Variants in DGLUCY observed in about 807,000 individuals in gnomAD.
DGLUCY encodes the protein D-glutamate cyclase, mitochondrial.
In DGLUCY, 58 loss-of-function variants were observed where a neutral mutation model predicts 58.5. The observed-to-expected ratio is 0.99, with a 90% CI of 0.80 to 1.23. The LOEUF is 1.23. Ranked by LOEUF, DGLUCY falls within the 50% of genes most tolerant of loss-of-function variation. DGLUCY has a pLI of 0.00. For missense variants in DGLUCY, 779 were observed against 784.7 expected (o/e 0.99, Z 0.09); for synonymous variants, 325 against 314.1 (o/e 1.03, Z -0.37).
At chr14:91,096,217 C>G (rs1284118483) in intron 1 of DGLUCY, among the ~76,000 whole-genome samples, 1 of 152,038 alleles carries the variant, frequency 6.6e-6, no homozygotes, top group Non-Finnish European at 1.5e-5. Context: ...AGTTCGAGAC[C>G]AACCTGGCCA....
chr14:91,215,317 T>G (rs1447116734), intron 12 of DGLUCY, 88 bp from the exon 13 acceptor site: 3 of 1,526,762 alleles, frequency 2.0e-6, no homozygotes, highest in Non-Finnish European at 2.6e-6. Context: ...CGTGGACCAG[T>G]CCTGCAGATA....
chr14:91,173,671 CA>C (rs2048700869), intron 6 of DGLUCY: 1 of 508,354 alleles, frequency 2.0e-6, no homozygotes, highest in Non-Finnish European at 3.3e-6. Flanking sequence ...CAGGGGTCTC[CA>C]GGGGCAAAGG....
intron 1 of DGLUCY, among the ~76,000 whole-genome samples, chr14:91,144,941 C>T (rs185512986): frequency 3.3e-5 from 5 of 152,132 alleles, no homozygotes; most frequent in East Asian, 3.9e-4. Flanking sequence ...GGGGAGCCTG[C>T]GGGGCCTCAG....
At chr14:91,104,351 C>T (rs992596478), upstream of DGLUCY, among the ~76,000 whole-genome samples, 5 of 151,992 alleles carry the variant, frequency 3.3e-5, no homozygotes, top group South Asian at 2.1e-4. Context: ...CGTGAGCCAC[C>T]GCGCCCGGCC....
chr14:91,123,870 A>G (rs2045532680), intron 1 of DGLUCY, among the ~76,000 whole-genome samples: 1 of 150,662 alleles, frequency 6.6e-6, no homozygotes, highest in African/African-American at 2.5e-5. Context: ...GAGCCACTGC[A>G]TCCAGCCTGT....
chr14:91,161,695 G>A (rs947743591), intron 3 of DGLUCY, among the ~76,000 whole-genome samples: 2 of 152,056 alleles, frequency 1.3e-5, no homozygotes, highest in African/African-American at 2.4e-5. Flanking sequence ...TCCCATTGGC[G>A]AAAGCAAATC....
chr14:91,069,305 T>G lies in DGLUCY; in HGVS notation c.-82+8601T>G, dbSNP rs12435511. Among the ~76,000 whole-genome samples, 751 of 152,342 alleles carry G rather than the reference T, an allele frequency of 4.9e-3. 7 individuals carry two copies. Among genetic ancestry groups the G allele is most frequent in the African/African-American group, 0.017 (718 of 41,578 alleles). Reference sequence around the variant, plus strand: ...TTATTTTCTATTTTGGGACGGAGTCTTGCTCTGTCACCCAGGCTGGAGTGC... The same window carrying G: ...TTATTTTCTATTTTGGGACGGAGTCGTGCTCTGTCACCCAGGCTGGAGTGC... On this transcript the variant is annotated intron_variant, in intron 1 of 4. Transcript: ENST00000521334.
chr14:91,150,179 G>A (rs999130733), intron 1 of DGLUCY, among the ~76,000 whole-genome samples: 78 of 131,990 alleles, frequency 5.9e-4, no homozygotes, highest in African/African-American at 2.1e-3. Context: ...AGATTGCGCC[G>A]CTGCACTCCA....
chr14:91,152,713 A>G (rs2140307654), intron 1 of DGLUCY, among the ~76,000 whole-genome samples: 2 of 152,322 alleles, frequency 1.3e-5, no homozygotes, highest in East Asian at 3.9e-4. Flanking sequence ...ACACCTACTC[A>G]TTTTGTTCTT....
At chr14:91,071,871 A>C (rs954265388) in intron 1 of DGLUCY, among the ~76,000 whole-genome samples, 2 of 152,006 alleles carry the variant, frequency 1.3e-5, no homozygotes, top group African/African-American at 4.8e-5. Context: ...CATCTCAAAA[A>C]AAAAAAAAAG....
At chr14:91,174,636 A>G (rs576270860) in intron 6 of DGLUCY, among the ~76,000 whole-genome samples, 10 of 152,200 alleles carry the variant, frequency 6.6e-5, no homozygotes, top group East Asian at 1.9e-4. Flanking sequence ...ACTGGTATAC[A>G]TAAGTAAATG....
intron 1 of DGLUCY, among the ~76,000 whole-genome samples, chr14:91,124,691 C>A (rs1595693152): frequency 6.6e-6 from 1 of 152,194 alleles, no homozygotes; most frequent in African/African-American, 2.4e-5. Flanking sequence ...GAGATTTTTA[C>A]CTGCTGTACT....
At chr14:91,202,750 C>T (rs565789665) in intron 11 of DGLUCY, among the ~76,000 whole-genome samples, 119 of 152,300 alleles carry the variant, frequency 7.8e-4, no homozygotes, top group African/African-American at 2.6e-3. Flanking sequence ...CAATGGGACC[C>T]CCATCTGTGC....
intron 3 of DGLUCY, among the ~76,000 whole-genome samples, chr14:91,163,415 G>A (rs1354889114): frequency 6.6e-6 from 1 of 152,210 alleles, no homozygotes; most frequent in Non-Finnish European, 1.5e-5. Context: ...CTTGAGACTG[G>A]CATCAGGTTC....
intron 12 of DGLUCY, among the ~76,000 whole-genome samples, chr14:91,207,975 C>G (rs1477463847): frequency 6.6e-6 from 1 of 152,048 alleles, no homozygotes; most frequent in Non-Finnish European, 1.5e-5. Context: ...CTCAAACTCT[C>G]GACCTCAGGT....
chr14:91,108,347 T>G (rs1249455583), intron 1 of DGLUCY, among the ~76,000 whole-genome samples: 1 of 152,064 alleles, frequency 6.6e-6, no homozygotes, highest in Non-Finnish European at 1.5e-5. Flanking sequence ...TGTTTGGTGC[T>G]CCCTTAAACT....
chr14:91,132,521 C>T (rs2046081198), intron 1 of DGLUCY, among the ~76,000 whole-genome samples: 1 of 151,620 alleles, frequency 6.6e-6, no homozygotes, highest in African/African-American at 2.4e-5. Context: ...CTCTGTCACC[C>T]AGGCTGGAGT....
rs771379374 is a variant in DGLUCY, at chr14:91,170,041, C to T, written c.296C>T (p.Ala99Val). 1 of 1,612,284 alleles carries T rather than the reference C, an allele frequency of 6.2e-7. No individual in the cohort carries two copies. Among genetic ancestry groups the T allele is most frequent in the South Asian group, 1.1e-5 (1 of 91,002 alleles). ...HPQFWKYEFG[A>V]CTGSLASLEQ... ...CAGTTCTGGAAATACGAGTTCGGTG[C>T]CTGCACCGGCAGCCTGGCTTCGCTG... Residue 99 changes from alanine to valine, a missense_variant, in exon 5 of 14, where the codon GCC becomes GTC. Ala to Val is a moderately conservative substitution (Grantham distance 64, BLOSUM62 0). Coordinates refer to ENST00000256324, the MANE Select transcript of DGLUCY (RefSeq NM_001102368.3).
chr14:91,204,669 T>C, intron 11 of DGLUCY, 37 bp from the exon 12 acceptor site: 2 of 1,604,810 alleles, frequency 1.2e-6, no homozygotes, highest in Non-Finnish European at 8.5e-7. Context: ...CATTTTGCCC[T>C]GGTCCCGTGC....
Sources: gnomAD v4.1 joint callset for allele counts (sites outside exome capture counted in the v4.1 genomes callset) on GRCh38, gnomAD v4.1.1 for gene constraint, MANE v1.5 for transcripts, NCBI Gene and HGNC (gene_info 2026-07-23, HGNC 2026-07-21) for gene names.